The following ARHGEF4 variants were observed in gnomAD, a reference collection of about 807,000 sequenced individuals.
The protein encoded by ARHGEF4 is Rho guanine nucleotide exchange factor 4.
ARHGEF4 carries 119 observed loss-of-function variants against 162.0 expected under a neutral mutation model. The observed-to-expected ratio is 0.73, with a 90% CI of 0.63 to 0.86. The LOEUF is 0.86. Ranked by LOEUF, ARHGEF4 falls within the 40% of genes least tolerant of loss-of-function variation. ARHGEF4 has a pLI of 0.00. For missense variants in ARHGEF4, 2,488 were observed against 2,456.0 expected (o/e 1.01, Z -0.28); for synonymous variants, 1,014 against 979.9 (o/e 1.03, Z -0.65).
chr2:130,999,486 G>T (rs1341186915), intron 4 of ARHGEF4, among the ~76,000 whole-genome samples: 4 of 151,658 alleles, frequency 2.6e-5, no homozygotes, highest in Admixed American at 1.3e-4. Context: ...GTGTATTTTT[G>T]ATACCAGGTC....
At chr2:130,992,118 C>T (rs1396241049) in intron 4 of ARHGEF4, among the ~76,000 whole-genome samples, 2 of 152,166 alleles carry the variant, frequency 1.3e-5, no homozygotes, top group African/African-American at 4.8e-5. Context: ...CTGCATCTAA[C>T]TAATCTGATG....
At chr2:131,038,778 G>A (rs1690508382) in intron 5 of ARHGEF4, 75 bp from the exon 6 acceptor site, 4 of 1,484,232 alleles carry the variant, frequency 2.7e-6, no homozygotes, top group Non-Finnish European at 2.7e-6. Context: ...GGGCTGCTGA[G>A]GGAGTGGAGA....
At chr2:131,036,327 G>C (rs992859924) in intron 5 of ARHGEF4, among the ~76,000 whole-genome samples, 2 of 152,360 alleles carry the variant, frequency 1.3e-5, no homozygotes, top group Non-Finnish European at 1.5e-5. Context: ...TCCCGAGTGG[G>C]AGGCTGTGCA....
At position 130,931,019 on chromosome 2, in the gene ARHGEF4, A is replaced by G. The variant is rs892129718; in HGVS notation, c.3620A>G (p.His1207Arg). ...PSCSHSQKAF[H>R]MEPAQKPCFT... ...TGCTCTCACAGTCAGAAGGCGTTCC[A>G]CATGGAGCCTGCCCAGAAGCCCTGC... The change falls in exon 3 of 14, where the codon CAC becomes CGC. Residue 1207 changes from histidine (H) to arginine (R), a missense_variant. This residue lies in a region of ARHGEF4 where 1,642 missense variants were observed against 1,481.5 expected (regional missense o/e 1.11). Coordinates refer to ENST00000409359, the MANE Select transcript of ARHGEF4 (RefSeq NM_001367493.1). 7.7e-5 allele frequency: 125 copies of G among 1,613,884 alleles called. No individual in the cohort carries two copies. The highest frequency in any genetic ancestry group is 1.0e-4 in the Non-Finnish European group (122 of 1,179,886).
chr2:130,934,198 A>G (rs1253698359), intron 3 of ARHGEF4, among the ~76,000 whole-genome samples: 3 of 152,178 alleles, frequency 2.0e-5, no homozygotes, highest in Non-Finnish European at 4.4e-5. Flanking sequence ...ATAATCATGC[A>G]TGTTTTCTTT....
chr2:130,943,848 G>A (rs1173715901), intron 3 of ARHGEF4, among the ~76,000 whole-genome samples: 1 of 152,062 alleles, frequency 6.6e-6, no homozygotes, highest in Non-Finnish European at 1.5e-5. Flanking sequence ...GGAGAAAAAT[G>A]GTGTGTTATA....
At chr2:130,969,217 A>G (rs992122891) in intron 4 of ARHGEF4, among the ~76,000 whole-genome samples, 2 of 152,202 alleles carry the variant, frequency 1.3e-5, no homozygotes, top group Non-Finnish European at 2.9e-5. Context: ...ATATTGTACT[A>G]AAAGTGGAAA....
rs1280908355 is a variant in ARHGEF4 at position 130,914,270 on chromosome 2, C to G, written c.324C>G (p.Val108=). The G allele has an allele frequency of 1.1e-5, 17 of 1,528,604 alleles. No individual in the cohort carries two copies. The highest frequency in any genetic ancestry group is 1.3e-5 in the Non-Finnish European group (15 of 1,141,974). The allele number at this position is 1,528,604 out of a possible 1,614,324, so 94.7% of individuals were successfully genotyped here. The stretch of plus-strand genomic sequence containing the variant: ...AAGCACCTTGGGAATACCCTGATGT[C>G]TCAGCAACTGGACCCCCTCAGGAGC... ...DIEAPWEYPD[V]SATGPPQEQH... is the part of the protein sequence containing the mutation. The change falls in exon 2 of 14, where the codon GTC becomes GTG. Residue 108 remains valine, a synonymous_variant. Transcript: ENST00000409359.
chr2:130,986,050 ATATGT>A (rs952297843), intron 4 of ARHGEF4, among the ~76,000 whole-genome samples: 12 of 150,324 alleles, frequency 8.0e-5, no homozygotes, highest in African/African-American at 2.7e-4. Context: ...TATGTATAGT[ATATGT>A]TATGTGTGTA....
rs1262214597 is a variant in ARHGEF4, at chr2:130,917,454, G to A, written c.3508G>A (p.Gly1170Ser). 5 of 1,550,436 alleles carry A rather than the reference G, an allele frequency of 3.2e-6. No individual in the cohort carries two copies. Among genetic ancestry groups the A allele is most frequent in the Admixed American group, 3.9e-5 (2 of 50,986 alleles). ...CAGGGAAGGAGGCCAGGGTCCGCGCGGCTTGGGCACAGTGCCCTGGCTCAG... is the reference window on the plus strand; with the variant it reads ...CAGGGAAGGAGGCCAGGGTCCGCGCAGCTTGGGCACAGTGCCCTGGCTCAG... ...ESREGGQGPR[G>S]LGTVPWLRDL... The change falls in exon 2 of 14, where the codon GGC becomes AGC. Residue 1170 changes from glycine (G) to serine (S), a missense_variant. Physicochemically the swap from Gly to Ser is moderately conservative, Grantham distance 56 (BLOSUM62 0). Transcript: ENST00000409359.
chr2:130,867,866 C>T (rs1028461031), intron 1 of ARHGEF4, among the ~76,000 whole-genome samples: 3 of 151,800 alleles, frequency 2.0e-5, no homozygotes, highest in African/African-American at 2.4e-5. Flanking sequence ...CCGCCCCCTG[C>T]GCCATGTTTT....
chr2:130,853,821 T>C (rs1681578713), intron 1 of ARHGEF4, among the ~76,000 whole-genome samples: 1 of 152,214 alleles, frequency 6.6e-6, no homozygotes. Context: ...TGGGCCCTAC[T>C]GTGTGGCTCA....
chr2:131,022,520 CTT>C (rs764741466), intron 4 of ARHGEF4, among the ~76,000 whole-genome samples: 1 of 151,976 alleles, frequency 6.6e-6, no homozygotes, highest in Admixed American at 6.5e-5. Context: ...CTCATCAAAA[CTT>C]TTGATTTTTT....
At chr2:130,870,342 G>A (rs991542450) in intron 1 of ARHGEF4, among the ~76,000 whole-genome samples, 5 of 152,152 alleles carry the variant, frequency 3.3e-5, no homozygotes, top group African/African-American at 9.7e-5. Flanking sequence ...ATGGAGCAAC[G>A]GGCATGCTGA....
rs201893086 is a variant in ARHGEF4, at chr2:131,043,633, G to A, written c.5157+50G>A. The A allele has an allele frequency of 6.0e-5, 96 of 1,611,460 alleles. No homozygotes were observed. In the African/African-American group the frequency reaches 1.2e-3, roughly 20 times the overall value. ...GCCCCAAGTTGAGCAAGTGGAGGGAGGGGAGCTGAGGGCTGGGAGCAGCTG... is the reference window on the plus strand; with the variant it reads ...GCCCCAAGTTGAGCAAGTGGAGGGAAGGGAGCTGAGGGCTGGGAGCAGCTG... On this transcript the variant is annotated intron_variant, in intron 11 of 13. Coordinates refer to ENST00000409359, the MANE Select transcript of ARHGEF4 (RefSeq NM_001367493.1).
In ARHGEF4 at chr2:130,916,295, G is replaced by A. The variant is rs751586593; in HGVS notation, c.2349G>A (p.Lys783=). Residue 783 remains lysine, a synonymous_variant, in exon 2 of 14, where the codon AAG becomes AAA. Transcript: ENST00000409359. ...CCCAGCCGCCACGCGGGCTCCGCAA[G>A]GGCGCGCAGGAGCCTGGGAAGCGCC... is the stretch of plus-strand genomic sequence containing the variant. The part of the protein sequence containing the change: ...EPPQPPRGLR[K]GAQEPGKRPT... 134 of 1,539,174 alleles carry A rather than the reference G, an allele frequency of 8.7e-5. No homozygotes were observed. Among genetic ancestry groups the A allele is most frequent in the Non-Finnish European group, 1.8e-5 (21 of 1,143,682 alleles).
chr2:130,980,635 C>T (rs192901671), intron 4 of ARHGEF4, among the ~76,000 whole-genome samples: 86 of 152,274 alleles, frequency 5.6e-4, no homozygotes, highest in African/African-American at 2.0e-3. Flanking sequence ...TTTCTAGATA[C>T]AGTACTGACG....
chr2:130,948,887 A>AT (rs1386489950), intron 4 of ARHGEF4, among the ~76,000 whole-genome samples: 1 of 152,232 alleles, frequency 6.6e-6, no homozygotes, highest in East Asian at 1.9e-4. Flanking sequence ...AGCCTGGACT[A>AT]TCCTGGAGTT....
chr2:130,916,764 G>A lies in ARHGEF4; in HGVS notation c.2818G>A (p.Gly940Ser), dbSNP rs1428851346. 1 of 1,550,644 alleles carries A rather than the reference G, an allele frequency of 6.4e-7. No individual in the cohort carries two copies. Among genetic ancestry groups the A allele is most frequent in the East Asian group, 2.4e-5 (1 of 40,898 alleles). The change falls in exon 2 of 14, where the codon GGC (glycine) becomes AGC (serine). Residue 940 changes from glycine (G) to serine (S), a missense_variant. This residue lies in a region of ARHGEF4 where 1,642 missense variants were observed against 1,481.5 expected (regional missense o/e 1.11). Coordinates refer to ENST00000409359, the MANE Select transcript of ARHGEF4 (RefSeq NM_001367493.1). ...THERSPSSPK[G>S]EKEKSRLRQG... ...TGAACGTTCCCCAAGTTCTCCCAAG[G>A]GCGAGAAGGAGAAGAGCAGGCTGCG...
Sources: gnomAD v4.1 joint callset for allele counts (sites outside exome capture counted in the v4.1 genomes callset) on GRCh38, gnomAD v4.1.1 for gene constraint, gnomAD v4.1.1 regional missense constraint, MANE v1.5 for transcripts, NCBI Gene and HGNC (gene_info 2026-07-23, HGNC 2026-07-21) for gene names.